Variants in WDR7 observed in about 807,000 individuals in gnomAD.
WDR7 encodes WD repeat domain 7.
WDR7 carries 46 observed loss-of-function variants against 169.4 expected under a neutral mutation model. The ratio of observed to expected loss-of-function variants is 0.27; its 90% CI spans 0.21 to 0.35. The LOEUF (loss-of-function observed/expected upper bound fraction) is 0.35. Among genes scored for constraint, WDR7 ranks in the 10% least tolerant of loss-of-function variants. The pLI is 1.00. For missense variants in WDR7, 1,534 were observed against 1,859.3 expected (o/e 0.83, Z 3.22); for synonymous variants, 612 against 666.8 (o/e 0.92, Z 1.27).
chr18:57,000,513 A>G (rs2047961179), intron 26 of WDR7, among the ~76,000 whole-genome samples: 1 of 152,132 alleles, frequency 6.6e-6, no homozygotes, highest in Non-Finnish European at 1.5e-5. Context: ...ATGGGCCATA[A>G]TCATTTTGTT....
intron 16 of WDR7, among the ~76,000 whole-genome samples, chr18:56,764,788 G>A (rs1228544294): frequency 1.3e-5 from 2 of 152,070 alleles, no homozygotes; most frequent in African/African-American, 2.4e-5. Context: ...TTCAAGTTTA[G>A]TATATACTTG....
intron 21 of WDR7, among the ~76,000 whole-genome samples, chr18:56,909,616 A>T (rs1460950235): frequency 6.6e-6 from 1 of 152,168 alleles, no homozygotes; most frequent in Non-Finnish European, 1.5e-5. Flanking sequence ...TATATATAAC[A>T]TAAGAAGTGA....
At chr18:56,789,139 T>C (rs2044446521) in intron 19 of WDR7, among the ~76,000 whole-genome samples, 1 of 152,230 alleles carries the variant, frequency 6.6e-6, no homozygotes, top group Non-Finnish European at 1.5e-5. Flanking sequence ...CCTAATGGAA[T>C]AACAATGGAA....
At chr18:56,769,810 T>C (rs1400807835) in intron 16 of WDR7, among the ~76,000 whole-genome samples, 1 of 152,202 alleles carries the variant, frequency 6.6e-6, no homozygotes, top group African/African-American at 2.4e-5. Context: ...ATCACTATTC[T>C]TTTCCAGGAT....
intron 19 of WDR7, 181 bp downstream of exon 19, chr18:56,781,837 T>A: frequency 2.9e-6 from 2 of 684,288 alleles, no homozygotes; most frequent in Non-Finnish European, 4.1e-6. Context: ...GAACTTGCTT[T>A]AAAAAACAAA....
intron 22 of WDR7, among the ~76,000 whole-genome samples, chr18:56,930,814 A>G (rs1568272738): frequency 6.6e-6 from 1 of 152,176 alleles, no homozygotes; most frequent in Non-Finnish European, 1.5e-5. Context: ...ATGAAAGTTT[A>G]TATGTCTCCT....
chr18:56,931,339 C>G (rs1679985079), intron 22 of WDR7, among the ~76,000 whole-genome samples: 2 of 152,200 alleles, frequency 1.3e-5, no homozygotes, highest in African/African-American at 4.8e-5. Context: ...TAAAATATAT[C>G]ACACAGACAA....
At chr18:56,754,368 TAC>T (rs1368330183) in intron 14 of WDR7, among the ~76,000 whole-genome samples, 1 of 150,774 alleles carries the variant, frequency 6.6e-6, no homozygotes, top group African/African-American at 2.4e-5. Flanking sequence ...TGTGTATATA[TAC>T]ACGTATATAT....
At chr18:56,676,943 A>G (rs1250443742) in intron 2 of WDR7, among the ~76,000 whole-genome samples, 1 of 152,048 alleles carries the variant, frequency 6.6e-6, no homozygotes, top group Non-Finnish European at 1.5e-5. Flanking sequence ...TACTAATTAT[A>G]TCTTATTGTA....
At chr18:56,832,062 A>G (rs1284937883) in intron 20 of WDR7, among the ~76,000 whole-genome samples, 3 of 152,136 alleles carry the variant, frequency 2.0e-5, no homozygotes, top group Admixed American at 1.3e-4. Context: ...TCCCACCCCG[A>G]CAGAGCCCAG....
chr18:56,729,282 AAAT>A (rs1418012138), intron 13 of WDR7, among the ~76,000 whole-genome samples: 2 of 152,186 alleles, frequency 1.3e-5, no homozygotes, highest in Non-Finnish European at 2.9e-5. Flanking sequence ...AATTTACTTA[AAAT>A]AATCTTTTCC....
chr18:56,960,622 A>G (rs2047325591), intron 25 of WDR7, among the ~76,000 whole-genome samples: 2 of 152,208 alleles, frequency 1.3e-5, no homozygotes, highest in South Asian at 4.1e-4. Context: ...ATGTAGGCAC[A>G]GTTATGGACA....
chr18:56,944,414 A>T (rs2047074969), intron 25 of WDR7, among the ~76,000 whole-genome samples: 1 of 152,152 alleles, frequency 6.6e-6, no homozygotes, highest in Non-Finnish European at 1.5e-5. Context: ...TTGCAAATTA[A>T]AATTTCCATT....
intron 2 of WDR7, 27 bp downstream of exon 2, chr18:56,672,701 AT>A: frequency 6.4e-7 from 1 of 1,555,972 alleles, no homozygotes; most frequent in South Asian, 1.2e-5. Context: ...CCTATTATAC[AT>A]TTTAGATATA....
intron 2 of WDR7, among the ~76,000 whole-genome samples, chr18:56,674,057 C>T (rs1347871716): frequency 2.6e-5 from 4 of 152,100 alleles, no homozygotes; most frequent in Non-Finnish European, 4.4e-5. Context: ...ATTTCTGGCC[C>T]TTATGAGTAA....
chr18:56,861,117 TAC>T (rs1215991458), intron 20 of WDR7, among the ~76,000 whole-genome samples: 3 of 54,972 alleles, frequency 5.5e-5, no homozygotes, highest in Admixed American at 2.2e-4. Context: ...ACAGCGAAAG[TAC>T]AGTTTATATT....
At chr18:56,989,780 G>T (rs1004090545) in intron 26 of WDR7, among the ~76,000 whole-genome samples, 1 of 151,588 alleles carries the variant, frequency 6.6e-6, no homozygotes, top group Non-Finnish European at 1.5e-5. Flanking sequence ...CTTTATTCCC[G>T]TAGGTACAGT....
chr18:56,691,656 A>G, intron 8 of WDR7, 59 bp from the exon 9 acceptor site: 3 of 1,430,196 alleles, frequency 2.1e-6, no homozygotes, highest in Non-Finnish European at 2.8e-6. Context: ...TGTCATATGG[A>G]ATTATAAAGT....
At chr18:56,793,668 C>T (rs1476123791) in intron 19 of WDR7, among the ~76,000 whole-genome samples, 1 of 152,178 alleles carries the variant, frequency 6.6e-6, no homozygotes, top group East Asian at 1.9e-4. Flanking sequence ...ATACATGCCC[C>T]ATAGCCCTGT....
Sources: allele counts gnomAD v4.1 joint callset (sites outside exome capture counted in the v4.1 genomes callset), GRCh38; gene constraint gnomAD v4.1.1; transcripts MANE v1.5; gene names NCBI Gene and HGNC (gene_info 2026-07-23, HGNC 2026-07-21).